Variants in AFF4 observed in about 807,000 individuals in gnomAD.
The protein encoded by AFF4 is ALF transcription elongation factor 4.
In AFF4, 13 loss-of-function variants were observed where a neutral mutation model predicts 124.8. That is an observed-to-expected ratio of 0.10 (90% CI 0.07 to 0.17). The LOEUF is 0.17. AFF4 is among the 10% of genes least tolerant of loss of function. The pLI is 1.00. For synonymous variants in AFF4, 477 were observed against 496.1 expected, an observed-to-expected ratio of 0.96 and a Z score of 0.51; for missense variants, 1,092 against 1,403.8, an observed-to-expected ratio of 0.78 and a Z score of 3.55.
chr5:132,960,062 G>A (rs142552557), intron 1 of AFF4, among the ~76,000 whole-genome samples: 62 of 152,204 alleles, frequency 4.1e-4, no homozygotes, highest in African/African-American at 1.5e-3. Context: ...GCCAGTAGGA[G>A]CGCTTTTCTT....
At chr5:132,945,080 C>G (rs568740346) in intron 1 of AFF4, 1 of 188,294 alleles carries the variant, frequency 5.3e-6, no homozygotes, top group Non-Finnish European at 1.1e-5. Flanking sequence ...CCACCCCAGT[C>G]TCAATCAATG....
At chr5:132,899,205 A>C in intron 8 of AFF4, 64 bp from the exon 9 acceptor site, 3 of 1,480,338 alleles carry the variant, frequency 2.0e-6, no homozygotes, top group Non-Finnish European at 2.8e-6. Context: ...GCTTAGTGTG[A>C]ATAATATCTG....
intron 20 of AFF4, 107 bp from the exon 21 acceptor site, chr5:132,881,293 T>C: frequency 1.7e-6 from 2 of 1,182,904 alleles, no homozygotes; most frequent in Non-Finnish European, 2.3e-6. Context: ...AAAAAATACC[T>C]CCTCCTACAC....
Position 132,963,599 on chromosome 5 carries a change from G to A in AFF4, c.-345C>T, listed in dbSNP as rs531295773. 22 of 397,600 alleles carry A rather than the reference G, an allele frequency of 5.5e-5. No homozygotes were observed. The South Asian group carries it at 2.2e-3, about 40-fold the overall frequency. The allele number at this position is 397,600 out of a possible 1,614,324, so 24.6% of individuals were successfully genotyped here. On this transcript the variant is annotated 5_prime_UTR_variant, in exon 1 of 21. Coordinates refer to ENST00000265343, the MANE Select transcript of AFF4 (RefSeq NM_014423.4). ...CGCCCCGTCCGCTGGCGGCGGCGACGGCAGCTGGACTCCTGCAGCCAGGGC... is the reference window on the plus strand; with the variant it reads ...CGCCCCGTCCGCTGGCGGCGGCGACAGCAGCTGGACTCCTGCAGCCAGGGC...
At chr5:132,939,809 C>T (rs1761525274) in intron 1 of AFF4, among the ~76,000 whole-genome samples, 1 of 152,190 alleles carries the variant, frequency 6.6e-6, no homozygotes, top group Non-Finnish European at 1.5e-5. Context: ...TGGGGTTTCA[C>T]CGAGTTGGCC....
At chr5:132,946,645 G>A (rs1346586357) in intron 1 of AFF4, among the ~76,000 whole-genome samples, 3 of 152,162 alleles carry the variant, frequency 2.0e-5, no homozygotes, top group African/African-American at 2.4e-5. Context: ...CATAGAGACC[G>A]AAAATAGAAT....
At chr5:132,903,804 C>A (rs1760608543) in intron 6 of AFF4, 1 of 152,212 alleles carries the variant, frequency 6.6e-6, no homozygotes, top group African/African-American at 2.4e-5. Flanking sequence ...AGAAGAATAA[C>A]TCTTGAGTTT....
At chr5:132,889,329 A>G (rs1274996391) in intron 13 of AFF4, among the ~76,000 whole-genome samples, 156 bp from the exon 14 acceptor site, 1 of 152,172 alleles carries the variant, frequency 6.6e-6, no homozygotes, top group Non-Finnish European at 1.5e-5. Flanking sequence ...TTCATAATGT[A>G]AACTTTAAAA....
intron 10 of AFF4, 46 bp from the exon 11 acceptor site, chr5:132,897,286 T>G: frequency 4.5e-6 from 7 of 1,566,522 alleles, no homozygotes; most frequent in Non-Finnish European, 6.1e-6. Context: ...ACTGAATGCT[T>G]TTTTCGTTCT....
At chr5:132,957,039 A>C (rs1418660002) in intron 1 of AFF4, among the ~76,000 whole-genome samples, 17 of 150,178 alleles carry the variant, frequency 1.1e-4, no homozygotes, top group East Asian at 5.9e-4. Context: ...AAAAAAAAAA[A>C]AAAAAAAAAA....
At chr5:132,886,760 C>T (rs1214732707) in intron 17 of AFF4, among the ~76,000 whole-genome samples, 1 of 152,170 alleles carries the variant, frequency 6.6e-6, no homozygotes, top group Non-Finnish European at 1.5e-5. Flanking sequence ...AACTGAACTG[C>T]AAATATTACA....
At chr5:132,933,289 C>T (rs1173871546) in intron 3 of AFF4, among the ~76,000 whole-genome samples, 6 of 150,508 alleles carry the variant, frequency 4.0e-5, no homozygotes, top group South Asian at 2.1e-4. Context: ...CCCAGCTACT[C>T]GGGAGGCTGA....
Position 132,896,774 on chromosome 5 carries a change from G to A in AFF4, c.1856C>T (p.Ser619Phe), listed in dbSNP as rs548820844. The change falls in exon 11 of 21, where the codon TCT (serine) becomes TTT (phenylalanine). Residue 619 changes from serine to phenylalanine, a missense_variant. Physicochemically the swap from Ser to Phe is radical, Grantham distance 155. Coordinates refer to ENST00000265343, the MANE Select transcript of AFF4 (RefSeq NM_014423.4). ...RKPNIKKESK[S>F]SPRPTAEKKK... ...TTTCTCTGCTGTAGGTCGAGGGGAA[G>A]ACTTAGACTCCTTCTTTATATTGGG... 1 of 1,614,186 alleles carries A rather than the reference G, an allele frequency of 6.2e-7. No individual in the cohort carries two copies. The highest frequency in any genetic ancestry group is 8.5e-7 in the Non-Finnish European group (1 of 1,180,038).
chr5:132,935,346 C>T (rs1432632721), intron 2 of AFF4, among the ~76,000 whole-genome samples: 1 of 152,178 alleles, frequency 6.6e-6, no homozygotes, highest in Non-Finnish European at 1.5e-5. Flanking sequence ...TTTTGAAAGG[C>T]CAGGTGCAGT....
chr5:132,899,373 G>C (rs1393475564), intron 8 of AFF4, among the ~76,000 whole-genome samples: 1 of 151,842 alleles, frequency 6.6e-6, no homozygotes, highest in Non-Finnish European at 1.5e-5. Flanking sequence ...AGTATGTTTT[G>C]ATCCATAATA....
intron 1 of AFF4, among the ~76,000 whole-genome samples, chr5:132,954,996 G>C (rs1193182124): frequency 6.6e-6 from 1 of 152,210 alleles, no homozygotes; most frequent in Non-Finnish European, 1.5e-5. Context: ...TGAACTTGAA[G>C]GATGCTGAAT....
intron 1 of AFF4, among the ~76,000 whole-genome samples, chr5:132,947,219 A>G (rs1418246139): frequency 6.6e-6 from 1 of 151,948 alleles, no homozygotes; most frequent in Non-Finnish European, 1.5e-5. Context: ...CCTGGCCAAC[A>G]TGGCCAAACC....
At chr5:132,881,410 TTAAG>T (rs1254068291) in intron 20 of AFF4, among the ~76,000 whole-genome samples, 5 of 152,210 alleles carry the variant, frequency 3.3e-5, no homozygotes, top group African/African-American at 1.2e-4. Flanking sequence ...TGGTCAGAAA[TTAAG>T]TGTTATATAT....
At chr5:132,939,957 A>G (rs1761528478) in intron 1 of AFF4, among the ~76,000 whole-genome samples, 1 of 151,358 alleles carries the variant, frequency 6.6e-6, no homozygotes, top group Admixed American at 6.6e-5. Flanking sequence ...CAGCACTTTG[A>G]GAGGCCAAGG....
Sources: allele counts gnomAD v4.1 joint callset (sites outside exome capture counted in the v4.1 genomes callset), GRCh38; gene constraint gnomAD v4.1.1; transcripts MANE v1.5; gene names NCBI Gene and HGNC (gene_info 2026-07-23, HGNC 2026-07-21).